Variants in BCKDHB observed in about 807,000 individuals in gnomAD.
BCKDHB encodes branched chain keto acid dehydrogenase E1 subunit beta, also known as 2-oxoisovalerate dehydrogenase subunit beta, mitochondrial.
A neutral mutation model predicts 48.5 loss-of-function variants in BCKDHB; 41 were observed. That is an observed-to-expected ratio of 0.85 (90% CI 0.66 to 1.10). The LOEUF (loss-of-function observed/expected upper bound fraction) is 1.10, where lower values mean the gene tolerates loss of function less well. Ranked by LOEUF, BCKDHB falls within the 50% of genes least tolerant of loss-of-function variation. The pLI, the probability that BCKDHB is intolerant of heterozygous loss-of-function variation, is 0.00. For synonymous variants in BCKDHB, 201 were observed against 174.8 expected (o/e 1.15, Z -1.18); for missense variants, 496 against 494.2 (o/e 1.00, Z -0.03).
At chr6:80,415,748 T>C in the BCKDHB span, among the ~76,000 whole-genome samples, 1 of 152,134 alleles carries the variant, frequency 6.6e-6, no homozygotes, top group Non-Finnish European at 1.5e-5. Flanking sequence ...TTGTTGCGTC[T>C]CTGCCAGGTT....
chr6:80,286,892 T>G (rs1028635406), intron 9 of BCKDHB, among the ~76,000 whole-genome samples: 1 of 152,176 alleles, frequency 6.6e-6, no homozygotes, highest in African/African-American at 2.4e-5. Flanking sequence ...AAGGGTGATT[T>G]TATTACATTT....
intron 3 of BCKDHB, among the ~76,000 whole-genome samples, chr6:80,147,817 G>T (rs1284451025): frequency 6.6e-6 from 1 of 152,154 alleles, no homozygotes; most frequent in Non-Finnish European, 1.5e-5. Flanking sequence ...ACCTATCTGA[G>T]AGGTAATGAG....
chr6:80,398,696 G>GAAA, the BCKDHB span, among the ~76,000 whole-genome samples: 4,913 of 144,268 alleles, frequency 0.034, 262 homozygotes, highest in African/African-American at 0.12. Flanking sequence ...TAAAACTTTT[G>GAAA]AAAAAAAAAA....
At chr6:80,391,635 AT>A in the BCKDHB span, among the ~76,000 whole-genome samples, 1 of 152,264 alleles carries the variant, frequency 6.6e-6, no homozygotes, top group South Asian at 2.1e-4. Context: ...AAGAGAACAA[AT>A]TTCTGTTGTT....
intron 9 of BCKDHB, among the ~76,000 whole-genome samples, chr6:80,332,801 C>G (rs1421357794): frequency 2.0e-5 from 3 of 151,216 alleles, no homozygotes; most frequent in African/African-American, 4.9e-5. Flanking sequence ...AATTCAAAAC[C>G]AGTTTTAGAA....
In BCKDHB at chr6:80,307,419, C is replaced by T. The variant is rs140062997; in HGVS notation, c.1038+34198C>T. 330 of 984,486 alleles carry T rather than the reference C, an allele frequency of 3.4e-4. No homozygotes were observed. In the African/African-American group the frequency reaches 5.4e-3, roughly 16 times the overall value. 61.0% of individuals were successfully genotyped at this position (984,486 alleles called of 1,614,324 possible). A position where few individuals can be genotyped will look rare whatever the true frequency, so the allele number is the denominator to read the frequency against. On this transcript the variant is annotated intron_variant, in intron 9 of 9. Coordinates refer to ENST00000320393, the MANE Select transcript of BCKDHB (RefSeq NM_183050.4). Reference sequence around the variant, plus strand: ...ATTGAACTGTATCCAATATTAAATCCACCTGCCCCCTCTGTCAATATTCTG... The same window carrying T: ...ATTGAACTGTATCCAATATTAAATCTACCTGCCCCCTCTGTCAATATTCTG...
At chr6:80,288,531 A>G (rs1395138980) in intron 9 of BCKDHB, among the ~76,000 whole-genome samples, 1 of 152,130 alleles carries the variant, frequency 6.6e-6, no homozygotes, top group Non-Finnish European at 1.5e-5. Context: ...GCAAATAAAT[A>G]TGACATTAAA....
At chr6:80,397,129 G>A in the BCKDHB span, among the ~76,000 whole-genome samples, 3 of 152,050 alleles carry the variant, frequency 2.0e-5, no homozygotes, top group Non-Finnish European at 4.4e-5. Context: ...TGAGTTTTTT[G>A]TCAGATAGGG....
intron 9 of BCKDHB, among the ~76,000 whole-genome samples, chr6:80,338,591 C>T (rs1304671153): frequency 6.6e-6 from 1 of 152,190 alleles, no homozygotes; most frequent in Non-Finnish European, 1.5e-5. Context: ...TAAATGTTAG[C>T]TGTTTAGGCA....
At chr6:80,211,278 A>G (rs1206156741) in intron 8 of BCKDHB, among the ~76,000 whole-genome samples, 1 of 152,200 alleles carries the variant, frequency 6.6e-6, no homozygotes, top group South Asian at 2.1e-4. Context: ...AAAATGTATA[A>G]GAATTTGCCT....
chr6:80,150,379 A>C (rs148673189), intron 3 of BCKDHB, among the ~76,000 whole-genome samples: 39 of 152,234 alleles, frequency 2.6e-4, no homozygotes, highest in African/African-American at 8.4e-4. Context: ...ATGAATGAAG[A>C]ATGGGAAACC....
chr6:80,360,132 G>A, the BCKDHB span, among the ~76,000 whole-genome samples: 1 of 152,034 alleles, frequency 6.6e-6, no homozygotes, highest in Admixed American at 6.5e-5. Flanking sequence ...TGCCAATTAT[G>A]TGCCAAGTGA....
At position 80,345,049 on chromosome 6, in the gene BCKDHB, G is replaced by A. The variant is rs541606558; in HGVS notation, c.*1245G>A. On this transcript the variant is annotated 3_prime_UTR_variant, in exon 10 of 10. Coordinates refer to ENST00000320393, the MANE Select transcript of BCKDHB (RefSeq NM_183050.4). ...CCATTTCCAGAAGCTTTTTTAACAA[G>A]TGAATATTTTTTACATAATGGATAA... 6.6e-6 allele frequency: 1 copy of A among 152,220 alleles called. No individual in the cohort carries two copies. Among genetic ancestry groups the A allele is most frequent in the South Asian group, 2.1e-4 (1 of 4,826 alleles). 9.4% of individuals were successfully genotyped at this position (152,220 alleles called of 1,614,324 possible). A position where few individuals can be genotyped will look rare whatever the true frequency, so the allele number is the denominator to read the frequency against.
intron 8 of BCKDHB, among the ~76,000 whole-genome samples, chr6:80,228,811 T>C (rs1167835310): frequency 6.6e-6 from 1 of 152,170 alleles, no homozygotes; most frequent in African/African-American, 2.4e-5. Context: ...GCCTGGGCTC[T>C]CAGAAGGTTT....
At chr6:80,453,974 C>T in the BCKDHB span, 7 of 152,302 alleles carry the variant, frequency 4.6e-5, no homozygotes, top group African/African-American at 1.7e-4. Flanking sequence ...CTGAGAAAGG[C>T]TCTGCTTATA....
chr6:80,142,755 A>G (rs542674118), intron 3 of BCKDHB, among the ~76,000 whole-genome samples: 8 of 152,174 alleles, frequency 5.3e-5, no homozygotes, highest in African/African-American at 1.4e-4. Flanking sequence ...CTTTTGTCAG[A>G]GTCATTTTTC....
the BCKDHB span, among the ~76,000 whole-genome samples, chr6:80,449,293 G>A: frequency 1.3e-5 from 2 of 152,088 alleles, no homozygotes; most frequent in Non-Finnish European, 2.9e-5. Context: ...AACAAGTTTG[G>A]TGAGGTTAAA....
chr6:80,391,779 G>A, the BCKDHB span, among the ~76,000 whole-genome samples: 2 of 152,064 alleles, frequency 1.3e-5, no homozygotes, highest in Non-Finnish European at 1.5e-5. Flanking sequence ...AATTGGCAAG[G>A]CATAAAATTT....
At chr6:80,121,163 A>T (rs1769996497) in intron 1 of BCKDHB, among the ~76,000 whole-genome samples, 1 of 152,228 alleles carries the variant, frequency 6.6e-6, no homozygotes, top group Non-Finnish European at 1.5e-5. Context: ...ATTAAAGATC[A>T]GATGGTTGTA....
Sources: gnomAD v4.1 joint callset for allele counts (sites outside exome capture counted in the v4.1 genomes callset) on GRCh38, gnomAD v4.1.1 for gene constraint, MANE v1.5 for transcripts, NCBI Gene and HGNC (gene_info 2026-07-23, HGNC 2026-07-21) for gene names.